MED12L: variants seen among roughly 807,000 people sequenced by gnomAD.
MED12L encodes the protein mediator complex subunit 12L.
A neutral mutation model predicts 281.3 loss-of-function variants in MED12L; 60 were observed. The ratio of observed to expected loss-of-function variants is 0.21; its 90% CI spans 0.17 to 0.26. The LOEUF is 0.26. Among genes scored for constraint, MED12L ranks in the 10% least tolerant of loss-of-function variants. The pLI is 1.00. For synonymous variants in MED12L, 974 were observed against 987.2 expected (o/e 0.99, Z 0.25); for missense variants, 2,146 against 2,680.9 (o/e 0.80, Z 4.41).
intron 26 of MED12L, among the ~76,000 whole-genome samples, chr3:151,370,802 A>G (rs1756083594): frequency 6.6e-6 from 1 of 152,226 alleles, no homozygotes; most frequent in Non-Finnish European, 1.5e-5. Flanking sequence ...TGGAAGTGTG[A>G]ATCTATAAAT....
chr3:151,091,495 G>A (rs937225776), intron 2 of MED12L, among the ~76,000 whole-genome samples: 4 of 152,218 alleles, frequency 2.6e-5, no homozygotes, highest in Admixed American at 6.5e-5. Context: ...CTAAAGGGAA[G>A]ACATCCAGTT....
chr3:151,090,255 C>A (rs1384467466), intron 2 of MED12L, among the ~76,000 whole-genome samples: 1 of 152,074 alleles, frequency 6.6e-6, no homozygotes. Context: ...TACTACTTAA[C>A]TCATAGGGCT....
At chr3:151,266,321 T>C (rs953433414) in intron 16 of MED12L, among the ~76,000 whole-genome samples, 4 of 152,174 alleles carry the variant, frequency 2.6e-5, no homozygotes, top group Admixed American at 1.3e-4. Flanking sequence ...ATTTGTGAAA[T>C]ATTTGAACCC....
chr3:151,225,905 C>G (rs1730394902), intron 16 of MED12L, among the ~76,000 whole-genome samples: 1 of 152,166 alleles, frequency 6.6e-6, no homozygotes, highest in Admixed American at 6.5e-5. Context: ...TTGATTTCCC[C>G]TTGTTGAAAT....
chr3:151,158,698 T>A lies in MED12L; in HGVS notation c.736T>A (p.Leu246Ile). The A allele has an allele frequency of 6.2e-7, 1 of 1,606,216 alleles. No homozygotes were observed. Among genetic ancestry groups the A allele is most frequent in the Non-Finnish European group, 8.5e-7 (1 of 1,174,946 alleles). Reference sequence around the variant, plus strand: ...TCTTTGTTCATTTAAGGAAGGAATGTTAGAAAAACACGAATATTTGACATG... The same window carrying A: ...TCTTTGTTCATTTAAGGAAGGAATGATAGAAAAACACGAATATTTGACATG... The part of the protein sequence containing the change: ...LAFHMFQEGM[L>I]EKHEYLTWIL... The change falls in exon 7 of 45, where the codon TTA becomes ATA. Residue 246 changes from leucine to isoleucine, a missense_variant. By Grantham distance (5) the Leu-to-Ile change is conservative. This residue lies in a region of MED12L where 722 missense variants were observed against 861.2 expected (regional missense o/e 0.84). Transcript: ENST00000687756.
chr3:151,388,235 C>T lies in MED12L; in HGVS notation c.5451+63C>T, dbSNP rs372389879. 5 of 1,514,870 alleles carry T rather than the reference C, an allele frequency of 3.3e-6. No individual in the cohort carries two copies. In the Admixed American group the frequency reaches 8.2e-5, roughly 25 times the overall value. The allele number at this position is 1,514,870 out of a possible 1,614,324, so 93.8% of individuals were successfully genotyped here. On this transcript the variant is annotated intron_variant, in intron 37 of 44. Transcript: ENST00000687756. ...CATTTAGTATGAGATTTACTCGTGC[C>T]CAAATCATATCCCTCGAAACATTAC... is the stretch of plus-strand genomic sequence containing the variant.
At chr3:151,243,681 A>G (rs1424954798) in intron 16 of MED12L, among the ~76,000 whole-genome samples, 2 of 151,826 alleles carry the variant, frequency 1.3e-5, no homozygotes, top group Non-Finnish European at 2.9e-5. Flanking sequence ...TGTAAAGACC[A>G]TCAAGACTAG....
chr3:151,284,082 A>G (rs894672140), intron 16 of MED12L, among the ~76,000 whole-genome samples: 2 of 152,222 alleles, frequency 1.3e-5, no homozygotes, highest in Non-Finnish European at 2.9e-5. Context: ...GAATGTAAGA[A>G]CATACTTCGT....
chr3:151,427,533 G>A (rs944764404), intron 43 of MED12L, among the ~76,000 whole-genome samples: 2 of 152,178 alleles, frequency 1.3e-5, no homozygotes, highest in East Asian at 3.8e-4. Flanking sequence ...TCTATTTGAA[G>A]CAGGCTTTAA....
chr3:151,130,704 C>G (rs1472195576), intron 5 of MED12L, among the ~76,000 whole-genome samples: 1 of 152,196 alleles, frequency 6.6e-6, no homozygotes, highest in Non-Finnish European at 1.5e-5. Flanking sequence ...TGGGCCTGCT[C>G]CCTTGCTCCA....
intron 8 of MED12L, among the ~76,000 whole-genome samples, chr3:151,161,708 C>G (rs1026604349): frequency 6.6e-6 from 1 of 152,094 alleles, no homozygotes; most frequent in Non-Finnish European, 1.5e-5. Context: ...CTTATAACAT[C>G]AATAATGCAT....
chr3:151,203,714 A>G (rs1725982300), intron 16 of MED12L, among the ~76,000 whole-genome samples: 1 of 152,144 alleles, frequency 6.6e-6, no homozygotes, highest in Non-Finnish European at 1.5e-5. Flanking sequence ...AAATCTGGAA[A>G]TAGAAATAAA....
In MED12L at chr3:151,274,907, A is replaced by G. The variant is rs141319585; in HGVS notation, c.2251-75152A>G. 3.3e-5 allele frequency among the ~76,000 whole-genome samples: 5 copies of G among 152,318 alleles called. No individual in the cohort carries two copies. In the East Asian group the frequency reaches 9.6e-4, roughly 29 times the overall value. The stretch of plus-strand genomic sequence containing the variant: ...TGTAAGGAATCAGTGTTGAATGAAT[A>G]AATGGCCAAAATATCCCTAGAGTGA... On this transcript the variant is annotated intron_variant, in intron 16 of 44. Transcript: ENST00000687756.
chr3:151,169,105 TG>T (rs1339973680), intron 11 of MED12L, among the ~76,000 whole-genome samples: 25 of 146,448 alleles, frequency 1.7e-4, no homozygotes, highest in African/African-American at 6.6e-4. Context: ...TCTTTTTCTT[TG>T]TTTTTTTTTT....
chr3:151,286,546 C>T (rs1237037666), intron 16 of MED12L, among the ~76,000 whole-genome samples: 1 of 152,112 alleles, frequency 6.6e-6, no homozygotes, highest in Non-Finnish European at 1.5e-5. Context: ...AATCCAGCAT[C>T]CAGGGGTTCA....
chr3:151,160,750 G>A (rs1400993911), intron 8 of MED12L, among the ~76,000 whole-genome samples: 1 of 152,142 alleles, frequency 6.6e-6, no homozygotes, highest in Non-Finnish European at 1.5e-5. Flanking sequence ...CAGGAAAACT[G>A]GGTCATAAAT....
intron 16 of MED12L, chr3:151,337,590 C>T (rs529658530): frequency 2.2e-5 from 11 of 507,098 alleles, no homozygotes; most frequent in Admixed American, 1.1e-4. Flanking sequence ...AATTGGATGT[C>T]GTTTGTTTTG....
chr3:151,244,340 A>G lies in MED12L; in HGVS notation c.2250+50674A>G, dbSNP rs1049921011. Among the ~76,000 whole-genome samples the G allele has an allele frequency of 4.8e-5, 6 of 125,538 alleles. 2 individuals are homozygous for G. Among genetic ancestry groups the G allele is most frequent in the Admixed American group, 4.3e-4 (5 of 11,686 alleles). 82.4% of individuals were successfully genotyped at this position (125,538 alleles called of 152,430 possible). On this transcript the variant is annotated intron_variant, in intron 16 of 44. Transcript: ENST00000687756. ...TTTTTTTCAGCACCACACCACACCT[A>G]TTCCAAAATTGACCACATACTTGGA... is the stretch of plus-strand genomic sequence containing the variant.
chr3:151,300,725 G>A (rs1873619), intron 16 of MED12L, among the ~76,000 whole-genome samples: 125,475 of 152,212 alleles, frequency 0.82, 52,020 homozygotes, highest in African/African-American at 0.92. Context: ...AGAGACCCCA[G>A]GTAACCTCAT....
Sources: gnomAD v4.1 joint callset for allele counts (sites outside exome capture counted in the v4.1 genomes callset) on GRCh38, gnomAD v4.1.1 for gene constraint, gnomAD v4.1.1 regional missense constraint, MANE v1.5 for transcripts, NCBI Gene and HGNC (gene_info 2026-07-23, HGNC 2026-07-21) for gene names.